SLC25A21: variants seen among roughly 807,000 people sequenced by gnomAD.
SLC25A21 encodes the protein solute carrier family 25 member 21, also known as mitochondrial 2-oxodicarboxylate carrier.
SLC25A21 carries 47 observed loss-of-function variants against 43.8 expected under a neutral mutation model. The observed-to-expected ratio is 1.07, with a 90% CI of 0.85 to 1.37. SLC25A21 has a LOEUF of 1.37. SLC25A21 is among the 40% of genes most tolerant of loss of function. The pLI, the probability that SLC25A21 is intolerant of heterozygous loss-of-function variation, is 0.00. For missense variants in SLC25A21, 352 were observed against 350.2 expected (o/e 1.00, Z -0.04); for synonymous variants, 131 against 121.3 (o/e 1.08, Z -0.52).
At chr14:37,157,077 C>G (rs1344255282) in intron 1 of SLC25A21, among the ~76,000 whole-genome samples, 1 of 152,176 alleles carries the variant, frequency 6.6e-6, no homozygotes, top group Admixed American at 6.5e-5. Flanking sequence ...TCATATCACG[C>G]CCAGCACGGT....
intron 3 of SLC25A21, among the ~76,000 whole-genome samples, chr14:36,740,127 G>T (rs542258344): frequency 6.6e-6 from 1 of 152,312 alleles, no homozygotes; most frequent in African/African-American, 2.4e-5. Flanking sequence ...TGAACAAAGA[G>T]CCTTAAATCG....
chr14:36,870,860 C>G (rs1478806120), intron 2 of SLC25A21: 1 of 152,150 alleles, frequency 6.6e-6, no homozygotes, highest in African/African-American at 2.4e-5. Flanking sequence ...ATACCTATGG[C>G]ACACTGACAC....
chr14:36,678,599 T>C lies in SLC25A21; in HGVS notation c.*2059A>G. The stretch of plus-strand genomic sequence containing the variant: ...ACTCTCCTGTCATCTGAAAAACTGA[T>C]GTAAGGTACAGAACTATTCTTTATC... On this transcript the variant is annotated 3_prime_UTR_variant, in exon 10 of 10. Transcript: ENST00000331299. 1.3e-6 allele frequency: 2 copies of C among 1,505,992 alleles called. No homozygotes were observed. The highest frequency in any genetic ancestry group is 2.5e-5 in the East Asian group (1 of 40,686). The allele number at this position is 1,505,992 out of a possible 1,614,324, so 93.3% of individuals were successfully genotyped here. A position where few individuals can be genotyped will look rare whatever the true frequency, so the allele number is the denominator to read the frequency against.
chr14:37,156,367 T>C (rs1963850105), intron 1 of SLC25A21, among the ~76,000 whole-genome samples: 2 of 151,796 alleles, frequency 1.3e-5, no homozygotes, highest in Admixed American at 1.3e-4. Flanking sequence ...ACAAAGAGTA[T>C]ACAAAGCAAA....
At chr14:36,863,651 AT>A (rs766815768) in intron 2 of SLC25A21, among the ~76,000 whole-genome samples, 2 of 152,198 alleles carry the variant, frequency 1.3e-5, no homozygotes, top group Non-Finnish European at 2.9e-5. Context: ...TTTCCTCCTT[AT>A]TAATAAGATT....
intron 1 of SLC25A21, among the ~76,000 whole-genome samples, chr14:37,048,321 T>C (rs1359375197): frequency 6.6e-6 from 1 of 152,192 alleles, no homozygotes; most frequent in African/African-American, 2.4e-5. Flanking sequence ...ATTTTTCATA[T>C]GCAAGACCAC....
intron 2 of SLC25A21, among the ~76,000 whole-genome samples, chr14:36,841,806 C>T (rs1889393181): frequency 6.6e-6 from 1 of 152,146 alleles, no homozygotes; most frequent in South Asian, 2.1e-4. Flanking sequence ...TGTTAGCTCT[C>T]CTCCAACCCA....
At chr14:37,095,521 A>G (rs995045741) in intron 1 of SLC25A21, among the ~76,000 whole-genome samples, 4 of 152,158 alleles carry the variant, frequency 2.6e-5, no homozygotes, top group Non-Finnish European at 5.9e-5. Flanking sequence ...CCATCTCGAC[A>G]AACAAACAAA....
chr14:36,762,151 T>C (rs141583916), intron 3 of SLC25A21, among the ~76,000 whole-genome samples: 2 of 152,344 alleles, frequency 1.3e-5, no homozygotes, highest in Admixed American at 6.5e-5. Flanking sequence ...GGTGCTAATA[T>C]AGAATATCTC....
At chr14:36,959,344 A>G (rs1959428279) in intron 1 of SLC25A21, among the ~76,000 whole-genome samples, 1 of 152,156 alleles carries the variant, frequency 6.6e-6, no homozygotes, top group South Asian at 2.1e-4. Context: ...ACAGGCTCCT[A>G]TCTACTGTTT....
intron 7 of SLC25A21, among the ~76,000 whole-genome samples, chr14:36,689,948 G>A (rs1407517390): frequency 3.9e-5 from 6 of 152,202 alleles, no homozygotes; most frequent in Non-Finnish European, 8.8e-5. Flanking sequence ...GTGTTGGGAA[G>A]CATTTTGAAG....
chr14:36,942,679 T>A (rs1168101903), intron 1 of SLC25A21, among the ~76,000 whole-genome samples: 2 of 152,142 alleles, frequency 1.3e-5, no homozygotes, highest in African/African-American at 4.8e-5. Flanking sequence ...AAAAGACTTG[T>A]GCAATTTTCT....
intron 3 of SLC25A21, among the ~76,000 whole-genome samples, chr14:36,738,291 T>C (rs1885122927): frequency 1.3e-5 from 2 of 152,202 alleles, no homozygotes; most frequent in Non-Finnish European, 1.5e-5. Context: ...CAAAAAGGAA[T>C]TGTGATGTTT....
intron 3 of SLC25A21, among the ~76,000 whole-genome samples, chr14:36,772,605 GACTAGGCTAACAC>G (rs1196114855): frequency 2.6e-5 from 4 of 152,172 alleles, no homozygotes; most frequent in African/African-American, 9.7e-5. Flanking sequence ...TTGGGCGGCT[GACTAGGCTAACAC>G]ACTAGCTCCT....
At chr14:37,056,721 G>A (rs1390359610) in intron 1 of SLC25A21, among the ~76,000 whole-genome samples, 2 of 152,122 alleles carry the variant, frequency 1.3e-5, no homozygotes, top group Non-Finnish European at 2.9e-5. Flanking sequence ...CAGACTTGGC[G>A]TCTGCAGCCA....
chr14:36,902,355 T>A (rs1165038708), intron 1 of SLC25A21, among the ~76,000 whole-genome samples: 2 of 152,128 alleles, frequency 1.3e-5, no homozygotes, highest in East Asian at 3.9e-4. Flanking sequence ...GGGTCAAAGA[T>A]GACTATTCAG....
intron 1 of SLC25A21, among the ~76,000 whole-genome samples, chr14:37,146,426 T>C (rs1566912855): frequency 6.6e-6 from 1 of 152,150 alleles, no homozygotes; most frequent in Non-Finnish European, 1.5e-5. Context: ...TCTGTATTTT[T>C]AGTAGAAACA....
chr14:37,028,723 T>A (rs946266942), intron 1 of SLC25A21, among the ~76,000 whole-genome samples: 3 of 152,162 alleles, frequency 2.0e-5, no homozygotes, highest in Non-Finnish European at 2.9e-5. Context: ...AATGGTGACA[T>A]CTTTAGAGCA....
At chr14:36,803,500 T>C (rs1223500722) in intron 3 of SLC25A21, among the ~76,000 whole-genome samples, 1 of 152,190 alleles carries the variant, frequency 6.6e-6, no homozygotes, top group Non-Finnish European at 1.5e-5. Context: ...TCTTCTAATA[T>C]AGGAGAGGTT....
Sources: allele counts gnomAD v4.1 joint callset (sites outside exome capture counted in the v4.1 genomes callset), GRCh38; gene constraint gnomAD v4.1.1; transcripts MANE v1.5; gene names NCBI Gene and HGNC (gene_info 2026-07-23, HGNC 2026-07-21).